The following CCNYL1 variants were observed in gnomAD, a reference collection of about 807,000 sequenced individuals.
The protein encoded by CCNYL1 is cyclin Y like 1.
A neutral mutation model predicts 44.2 loss-of-function variants in CCNYL1; 16 were observed. The ratio of observed to expected loss-of-function variants is 0.36; its 90% CI spans 0.25 to 0.55. The LOEUF is 0.55. Ranked by LOEUF, CCNYL1 falls within the 20% of genes least tolerant of loss-of-function variation. CCNYL1 has a pLI of 0.85. For synonymous variants in CCNYL1, 159 were observed against 163.2 expected, an observed-to-expected ratio of 0.97 and a Z score of 0.20; for missense variants, 348 against 451.8, an observed-to-expected ratio of 0.77 and a Z score of 2.08.
At chr2:207,726,326 T>C (rs1273974498) in intron 2 of CCNYL1, among the ~76,000 whole-genome samples, 1 of 152,212 alleles carries the variant, frequency 6.6e-6, no homozygotes, top group African/African-American at 2.4e-5. Context: ...TTTCCACTTG[T>C]GTAAAGACCC....
intron 3 of CCNYL1, among the ~76,000 whole-genome samples, chr2:207,732,862 A>G (rs2091738916): frequency 6.6e-6 from 1 of 152,230 alleles, no homozygotes; most frequent in African/African-American, 2.4e-5. Context: ...TGTGTGTAGT[A>G]GCATTTACCT....
At chr2:207,741,957 C>T (rs2091814408) in intron 6 of CCNYL1, among the ~76,000 whole-genome samples, 1 of 151,740 alleles carries the variant, frequency 6.6e-6, no homozygotes, top group South Asian at 2.1e-4. Flanking sequence ...TTGAGACCAG[C>T]CTGACCAACA....
intron 1 of CCNYL1, among the ~76,000 whole-genome samples, chr2:207,721,998 G>A (rs191520117): frequency 3.9e-5 from 6 of 152,050 alleles, no homozygotes; most frequent in East Asian, 1.9e-4. Flanking sequence ...AGTTGAGGGA[G>A]TGCCAGCTTG....
At chr2:207,721,770 C>G (rs532854111) in intron 1 of CCNYL1, among the ~76,000 whole-genome samples, 22 of 147,086 alleles carry the variant, frequency 1.5e-4, no homozygotes, top group African/African-American at 5.3e-4. Flanking sequence ...GAGTCTTGCT[C>G]TGTTGCCAGG....
chr2:207,711,776 C>T lies in CCNYL1; in HGVS notation c.-121C>T, dbSNP rs2091549512. The T allele has an allele frequency of 5.1e-6, 3 of 592,732 alleles. No individual in the cohort carries two copies. The East Asian group carries it at 1.1e-4, about 21-fold the overall frequency. The allele number at this position is 592,732 out of a possible 1,614,324, so 36.7% of individuals were successfully genotyped here. A position where few individuals can be genotyped will look rare whatever the true frequency, so the allele number is the denominator to read the frequency against. ...GGCGGCGTCTGCTTGCGCGGTGCAG[C>T]CCCAGCGTAGCCCGGGGCTGCCGGT... On this transcript the variant is annotated 5_prime_UTR_variant, in exon 1 of 10. Coordinates refer to ENST00000295414, the MANE Select transcript of CCNYL1 (RefSeq NM_001330218.2).
chr2:207,721,562 A>AT (rs921047142), intron 1 of CCNYL1, among the ~76,000 whole-genome samples: 1 of 151,254 alleles, frequency 6.6e-6, no homozygotes, highest in African/African-American at 2.4e-5. Flanking sequence ...CCTGAGTTTA[A>AT]TTTTTTTTTG....
intron 9 of CCNYL1, among the ~76,000 whole-genome samples, chr2:207,752,889 A>T (rs2091903775): frequency 6.9e-6 from 1 of 145,654 alleles, no homozygotes; most frequent in African/African-American, 2.4e-5. Flanking sequence ...AATACAAAAA[A>T]TTAGCTGGGT....
In CCNYL1 at chr2:207,742,294, T is replaced by C; in HGVS notation, c.591T>C (p.Thr197=). The change falls in exon 7 of 10, where the codon ACT becomes ACC. Residue 197 remains threonine, a synonymous_variant. Transcript: ENST00000295414. ...AATTTATTTACAGATTTGTTCGTAC[T>C]CTTTTTAGTGCTGCACAGCTAACAG... ...EHKFIYRFVR[T]LFSAAQLTAE... is the part of the protein sequence containing the mutation. The C allele has an allele frequency of 6.2e-7, 1 of 1,613,530 alleles. No individual in the cohort carries two copies. Among genetic ancestry groups the C allele is most frequent in the Non-Finnish European group, 8.5e-7 (1 of 1,179,844 alleles).
intron 3 of CCNYL1, among the ~76,000 whole-genome samples, chr2:207,729,113 A>G (rs943640250): frequency 1.3e-5 from 2 of 151,980 alleles, no homozygotes; most frequent in Non-Finnish European, 2.9e-5. Flanking sequence ...TTTTCTTTTT[A>G]TTGGGACCAA....
chr2:207,737,941 A>G (rs2091777937), intron 5 of CCNYL1, among the ~76,000 whole-genome samples: 1 of 152,208 alleles, frequency 6.6e-6, no homozygotes, highest in African/African-American at 2.4e-5. Context: ...ATGTATTTAT[A>G]TATATACAAC....
rs2091803102 is a variant in CCNYL1 at position 207,740,772 on chromosome 2, T to G, written c.519+66T>G. On this transcript the variant is annotated intron_variant, in intron 6 of 9. Transcript: ENST00000295414. ...GAGTTGTGTTTATTTCATGCTGATA[T>G]TTATAAATAGTCCTAACAAATATAC... 6.4e-6 allele frequency: 6 copies of G among 932,434 alleles called. No homozygotes were observed. The South Asian group carries it at 7.0e-5, about 11-fold the overall frequency. 57.8% of individuals were successfully genotyped at this position (932,434 alleles called of 1,614,324 possible).
At chr2:207,712,935 C>T (rs2091562972) in intron 1 of CCNYL1, among the ~76,000 whole-genome samples, 1 of 152,226 alleles carries the variant, frequency 6.6e-6, no homozygotes, top group African/African-American at 2.4e-5. Context: ...TCTGCCTCAG[C>T]CTCCCGAGTA....
At position 207,734,037 on chromosome 2, in the gene CCNYL1, A is replaced by G; in HGVS notation, c.421A>G (p.Thr141Ala). The change falls in exon 4 of 10, where the codon ACA becomes GCA. Residue 141 changes from threonine to alanine, a missense_variant. By Grantham distance (58) the Thr-to-Ala change is moderately conservative. This residue lies in a region of CCNYL1 where 209 missense variants were observed against 247.7 expected (regional missense o/e 0.84). Coordinates refer to ENST00000295414, the MANE Select transcript of CCNYL1 (RefSeq NM_001330218.2). ...STVSQPNLRT[T>A]VKCVTLAIYY... ...AGTCAGCCAGCCTAATCTTAGAACCACAGTAAAATGGTGAGTACAACTAGG... is the reference window on the plus strand; with the variant it reads ...AGTCAGCCAGCCTAATCTTAGAACCGCAGTAAAATGGTGAGTACAACTAGG... The G allele has an allele frequency of 6.2e-7, 1 of 1,610,988 alleles. No homozygotes were observed. The highest frequency in any genetic ancestry group is 8.5e-7 in the Non-Finnish European group (1 of 1,177,202).
chr2:207,722,392 T>C (rs932674322), intron 1 of CCNYL1, among the ~76,000 whole-genome samples: 1 of 151,862 alleles, frequency 6.6e-6, no homozygotes, highest in African/African-American at 2.4e-5. Flanking sequence ...ATTTCTTATA[T>C]TTACACAGTA....
chr2:207,744,228 T>TTG (rs61530643), intron 7 of CCNYL1, among the ~76,000 whole-genome samples: 8,664 of 150,300 alleles, frequency 0.058, 352 homozygotes, highest in Non-Finnish European at 0.084. Context: ...CAGGAACATT[T>TTG]TGTGTGTGTG....
chr2:207,753,951 A>G lies in CCNYL1; in HGVS notation c.*253A>G. 1 of 362,752 alleles carries G rather than the reference A, an allele frequency of 2.8e-6. No homozygotes were observed. The highest frequency in any genetic ancestry group is 4.5e-5 in the Admixed American group (1 of 22,364). The allele number at this position is 362,752 out of a possible 1,614,324, so 22.5% of individuals were successfully genotyped here. ...AAACCACTCCAAAGTGAAGGCTCCC[A>G]TCCTACACACAGATATTTGCTTACT... On this transcript the variant is annotated 3_prime_UTR_variant, in exon 10 of 10. Transcript: ENST00000295414.
intron 6 of CCNYL1, among the ~76,000 whole-genome samples, chr2:207,741,662 T>A (rs545623594): frequency 6.6e-6 from 1 of 151,950 alleles, no homozygotes; most frequent in South Asian, 2.1e-4. Flanking sequence ...CTGGCCAGCA[T>A]GGTGAAACCC....
At chr2:207,729,870 C>A (rs2091712901) in intron 3 of CCNYL1, among the ~76,000 whole-genome samples, 1 of 148,324 alleles carries the variant, frequency 6.7e-6, no homozygotes. Context: ...TGTGTGCCAC[C>A]ACGCCTGGCT....
At chr2:207,715,728 G>A (rs2091589196) in intron 1 of CCNYL1, among the ~76,000 whole-genome samples, 1 of 149,392 alleles carries the variant, frequency 6.7e-6, no homozygotes, top group Admixed American at 6.7e-5. Context: ...TCAGGCTGGA[G>A]TGGAATGGCG....
Sources: gnomAD v4.1 joint callset for allele counts (sites outside exome capture counted in the v4.1 genomes callset) on GRCh38, gnomAD v4.1.1 for gene constraint, gnomAD v4.1.1 regional missense constraint, MANE v1.5 for transcripts, NCBI Gene and HGNC (gene_info 2026-07-23, HGNC 2026-07-21) for gene names.